The following WWC1 variants were observed in gnomAD, a reference collection of about 807,000 sequenced individuals.
WWC1 encodes protein KIBRA.
In WWC1, 55 loss-of-function variants were observed where a neutral mutation model predicts 138.4. The observed-to-expected ratio is 0.40, with a 90% CI of 0.32 to 0.50. WWC1 has a LOEUF of 0.50. Ranked by LOEUF, WWC1 falls within the 20% of genes least tolerant of loss-of-function variation. WWC1 has a pLI of 0.72. For missense variants in WWC1, 1,226 were observed against 1,420.4 expected (o/e 0.86, Z 2.20); for synonymous variants, 524 against 564.9 (o/e 0.93, Z 1.03).
chr5:168,418,301 C>T lies in WWC1; in HGVS notation c.1185-3707C>T, dbSNP rs113709008. ...TTCCCGAGGGCCTTCCCCACTGCTC[C>T]CCAGAGCTGGTGTGCAGTCATGCAG... is the stretch of plus-strand genomic sequence containing the variant. On this transcript the variant is annotated intron_variant, in intron 9 of 22. Coordinates refer to ENST00000265293, the MANE Select transcript of WWC1 (RefSeq NM_015238.3). 7.5e-3 allele frequency among the ~76,000 whole-genome samples: 1,146 copies of T among 152,304 alleles called. 3 individuals are homozygous for T. The highest frequency in any genetic ancestry group is 0.012 in the Non-Finnish European group (825 of 68,036).
At chr5:168,419,135 G>A (rs1056740658) in intron 9 of WWC1, among the ~76,000 whole-genome samples, 4 of 152,164 alleles carry the variant, frequency 2.6e-5, no homozygotes, top group African/African-American at 9.7e-5. Context: ...TGTGGGTAGA[G>A]GGATGGCATG....
At chr5:168,329,472 A>C (rs1772847122) in intron 1 of WWC1, among the ~76,000 whole-genome samples, 1 of 150,090 alleles carries the variant, frequency 6.7e-6, no homozygotes, top group South Asian at 2.1e-4. Flanking sequence ...GTAAATGTTT[A>C]CTTTTGTGTT....
At chr5:168,427,924 G>A (rs1471889924) in intron 11 of WWC1, 109 bp from the exon 12 acceptor site, 3 of 817,954 alleles carry the variant, frequency 3.7e-6, no homozygotes, top group Non-Finnish European at 5.9e-6. Context: ...TTGTGCCACT[G>A]CACTCCAGCC....
Position 168,355,195 on chromosome 5 carries a change from TA to T in WWC1, c.120-16223del, listed in dbSNP as rs1264619252. 5.9e-5 allele frequency among the ~76,000 whole-genome samples: 9 copies of T among 152,184 alleles called. No individual in the cohort carries two copies. The South Asian group carries it at 1.0e-3, about 18-fold the overall frequency. ...AGTCAGGCCTGCCCAGGAAGGCCTC[TA>T]AAAAACAGCATTTCAGGCTGGGCGT... On this transcript the variant is annotated intron_variant, in intron 1 of 22. Coordinates refer to ENST00000265293, the MANE Select transcript of WWC1 (RefSeq NM_015238.3).
Position 168,311,006 on chromosome 5 carries a change from C to T in WWC1, c.119+18735C>T, listed in dbSNP as rs1272265184. Among the ~76,000 whole-genome samples, 3 of 152,202 alleles carry T rather than the reference C, an allele frequency of 2.0e-5. No homozygotes were observed. The East Asian group carries it at 5.8e-4, about 29-fold the overall frequency. ...AGCACTTTGCAGAGTGCCCATCACC[C>T]TTGCAGGTGCCAATAATTGGTAGCC... On this transcript the variant is annotated intron_variant, in intron 1 of 22. Transcript: ENST00000265293.
At chr5:168,301,473 T>TAAATATACAAAA (rs1770068496) in intron 1 of WWC1, among the ~76,000 whole-genome samples, 1 of 152,034 alleles carries the variant, frequency 6.6e-6, no homozygotes, top group Admixed American at 6.6e-5. Context: ...CCATCTCTAC[T>TAAATATACAAAA]AAATATACAA....
intron 18 of WWC1, 45 bp downstream of exon 18, chr5:168,454,145 C>T (rs151130733): frequency 1.9e-6 from 3 of 1,593,094 alleles, no homozygotes; most frequent in South Asian, 1.1e-5. Context: ...GGGGAAGGAA[C>T]CTTCAATCCT....
At chr5:168,300,931 G>C (rs181473119) in intron 1 of WWC1, among the ~76,000 whole-genome samples, 2 of 152,252 alleles carry the variant, frequency 1.3e-5, no homozygotes, top group African/African-American at 2.4e-5. Flanking sequence ...TACATCTGTC[G>C]TGGCTTTTCT....
At chr5:168,414,188 T>C in intron 8 of WWC1, 160 bp from the exon 9 acceptor site, 1 of 1,071,834 alleles carries the variant, frequency 9.3e-7, no homozygotes, top group South Asian at 1.7e-5. Flanking sequence ...CACCCACATG[T>C]GTTTGTTTAG....
At chr5:168,359,751 A>C (rs1347906598) in intron 1 of WWC1, among the ~76,000 whole-genome samples, 1 of 152,218 alleles carries the variant, frequency 6.6e-6, no homozygotes, top group Non-Finnish European at 1.5e-5. Context: ...ATATATGAGA[A>C]AAATAAAACT....
intron 5 of WWC1, among the ~76,000 whole-genome samples, chr5:168,404,200 C>T (rs1164956000): frequency 1.3e-5 from 2 of 152,226 alleles, no homozygotes; most frequent in South Asian, 2.1e-4. Flanking sequence ...TCCCCAGAGT[C>T]CCCAGCCCTC....
chr5:168,371,328 G>A (rs1337837762), intron 1 of WWC1, 96 bp from the exon 2 acceptor site: 3 of 841,844 alleles, frequency 3.6e-6, no homozygotes, highest in Non-Finnish European at 5.9e-6. Context: ...GATCTGTTGA[G>A]CCAGCCCAGA....
At chr5:168,458,040 A>G (rs889732029) in intron 19 of WWC1, among the ~76,000 whole-genome samples, 3 of 152,170 alleles carry the variant, frequency 2.0e-5, no homozygotes, top group Non-Finnish European at 4.4e-5. Context: ...CAGTAGAAGC[A>G]AGGTTCTGCT....
intron 8 of WWC1, among the ~76,000 whole-genome samples, chr5:168,410,965 C>T (rs755826122): frequency 1.5e-5 from 2 of 129,120 alleles, no homozygotes; most frequent in East Asian, 2.4e-4. Context: ...GACGGAGTCT[C>T]GCTCTGTCAC....
intron 1 of WWC1, among the ~76,000 whole-genome samples, chr5:168,352,274 A>G (rs1186245429): frequency 1.3e-5 from 2 of 152,160 alleles, no homozygotes; most frequent in African/African-American, 2.4e-5. Flanking sequence ...CAAAGTGAGA[A>G]CCACTTAGTA....
At chr5:168,454,226 A>C in intron 18 of WWC1, 126 bp downstream of exon 18, 2 of 1,402,476 alleles carry the variant, frequency 1.4e-6, no homozygotes, top group Non-Finnish European at 1.9e-6. Context: ...AGCCCTCATA[A>C]TGGAGTGGCC....
rs115937520 is a variant in WWC1 at position 168,439,277 on chromosome 5, G to A, written c.2281-2405G>A. Reference sequence around the variant, plus strand: ...ATGACTATATAATATTCCATTGTATGGATAGATTATAGTTCTTTTAGTCTG... The same window carrying A: ...ATGACTATATAATATTCCATTGTATAGATAGATTATAGTTCTTTTAGTCTG... On this transcript the variant is annotated intron_variant, in intron 15 of 22. Coordinates refer to ENST00000265293, the MANE Select transcript of WWC1 (RefSeq NM_015238.3). 5.3e-3 allele frequency among the ~76,000 whole-genome samples: 800 copies of A among 152,180 alleles called. 6 individuals carry two copies. The highest frequency in any genetic ancestry group is 0.019 in the African/African-American group (776 of 41,498).
chr5:168,444,427 C>G, intron 16 of WWC1, 67 bp from the exon 17 acceptor site: 1 of 1,470,766 alleles, frequency 6.8e-7, no homozygotes, highest in Non-Finnish European at 9.3e-7. Flanking sequence ...CTGAGATGCT[C>G]TGATTCCTGG....
intron 12 of WWC1, 22 bp from the exon 13 acceptor site, chr5:168,428,685 C>T: frequency 6.2e-7 from 1 of 1,612,406 alleles, no homozygotes; most frequent in Non-Finnish European, 8.5e-7. Flanking sequence ...AGCCTAACTC[C>T]TCCTCCCCTG....
Sources: allele counts gnomAD v4.1 joint callset (sites outside exome capture counted in the v4.1 genomes callset), GRCh38; gene constraint gnomAD v4.1.1; transcripts MANE v1.5; gene names NCBI Gene and HGNC (gene_info 2026-07-23, HGNC 2026-07-21).